Variants in NDST3 observed in about 807,000 individuals in gnomAD.
The protein encoded by NDST3 is bifunctional heparan sulfate N-deacetylase/N-sulfotransferase 3.
Under a neutral mutation model 96.1 loss-of-function variants are expected in NDST3, and 58 were observed. That is an observed-to-expected ratio of 0.60 (90% confidence interval 0.49 to 0.75). The LOEUF (loss-of-function observed/expected upper bound fraction) is 0.75. Ranked by LOEUF, NDST3 falls within the 30% of genes least tolerant of loss-of-function variation. The pLI, the probability that NDST3 is intolerant of heterozygous loss-of-function variation, is 0.00. For missense variants in NDST3, 788 were observed against 1,034.2 expected (o/e 0.76, Z 3.27); for synonymous variants, 333 against 359.7 (o/e 0.93, Z 0.84).
chr4:118,149,810 A>G (rs370030849), intron 6 of NDST3, among the ~76,000 whole-genome samples: 5 of 151,794 alleles, frequency 3.3e-5, no homozygotes, highest in East Asian at 1.9e-4. Flanking sequence ...GGAGTGGTGA[A>G]AGAGGGCATC....
chr4:118,129,192 T>C (rs1411367516), intron 4 of NDST3, among the ~76,000 whole-genome samples: 1 of 152,012 alleles, frequency 6.6e-6, no homozygotes, highest in Non-Finnish European at 1.5e-5. Flanking sequence ...CGTTTACTTC[T>C]GCTTTGATCT....
chr4:118,207,985 A>T (rs1738539647), intron 6 of NDST3, among the ~76,000 whole-genome samples: 1 of 144,252 alleles, frequency 6.9e-6, no homozygotes, highest in Admixed American at 6.9e-5. Flanking sequence ...CATTTTTAGA[A>T]AGGAAACATT....
At chr4:118,033,805 C>T (rs1236977675), upstream of NDST3, 8 of 152,592 alleles carry the variant, frequency 5.2e-5, no homozygotes, top group Admixed American at 3.9e-4. Context: ...CCGCCGGACC[C>T]CGGGCACCGC....
rs533139254 is a variant in NDST3, at chr4:118,253,578, A to C, written c.2479A>C (p.Lys827Gln). Reference sequence around the variant, plus strand: ...ATGCCTTGGAAAGAGCAAAGGAAGAAAATACCCTCCAATGGATTCTGATGT... The same window carrying C: ...ATGCCTTGGAAAGAGCAAAGGAAGACAATACCCTCCAATGGATTCTGATGT... ...TKCLGKSKGRKYPPMDSDSRT... is the reference protein window; with the variant it reads ...TKCLGKSKGRQYPPMDSDSRT... The change falls in exon 13 of 14, where the codon AAA (lysine) becomes CAA (glutamine). Residue 827 changes from lysine (K) to glutamine (Q), a missense_variant. Physicochemically the swap from Lys to Gln is moderately conservative, Grantham distance 53. Coordinates refer to ENST00000296499, the MANE Select transcript of NDST3 (RefSeq NM_004784.3). 1 of 1,611,516 alleles carries C rather than the reference A, an allele frequency of 6.2e-7. No individual in the cohort carries two copies. The highest frequency in any genetic ancestry group is 1.3e-5 in the African/African-American group (1 of 75,004).
At chr4:118,219,813 A>G (rs1430238245) in intron 6 of NDST3, among the ~76,000 whole-genome samples, 2 of 152,094 alleles carry the variant, frequency 1.3e-5, no homozygotes, top group African/African-American at 4.8e-5. Flanking sequence ...ACAAATCTAC[A>G]AGGAAAAAAC....
At chr4:118,158,484 A>G (rs4833564) in intron 6 of NDST3, among the ~76,000 whole-genome samples, 78,060 of 152,056 alleles carry the variant, frequency 0.51, 24,099 homozygotes, top group East Asian at 0.74. Flanking sequence ...CTTCTGTAGA[A>G]AAGACACCAG....
At chr4:118,241,178 T>C (rs768281090) in intron 11 of NDST3, among the ~76,000 whole-genome samples, 2 of 151,772 alleles carry the variant, frequency 1.3e-5, no homozygotes, top group African/African-American at 4.8e-5. Context: ...ACATCAGACA[T>C]GGTATATACC....
chr4:118,128,799 G>A (rs753285756), intron 4 of NDST3, among the ~76,000 whole-genome samples: 3 of 152,020 alleles, frequency 2.0e-5, no homozygotes, highest in African/African-American at 4.8e-5. Context: ...GAAATCAGCA[G>A]TGTAGCCATC....
intron 6 of NDST3, among the ~76,000 whole-genome samples, chr4:118,178,871 A>G (rs1311147078): frequency 6.6e-6 from 1 of 152,052 alleles, no homozygotes; most frequent in Non-Finnish European, 1.5e-5. Context: ...GATACTAGCT[A>G]TCCTAATAAG....
chr4:118,226,779 T>A (rs1484994994), intron 7 of NDST3, 107 bp from the exon 8 acceptor site: 2 of 749,370 alleles, frequency 2.7e-6, no homozygotes, highest in Non-Finnish European at 4.4e-6. Context: ...CTATTTTTTA[T>A]CCCAGCGTTT....
At chr4:118,116,610 C>A (rs894520694) in intron 4 of NDST3, among the ~76,000 whole-genome samples, 2 of 152,282 alleles carry the variant, frequency 1.3e-5, no homozygotes, top group African/African-American at 4.8e-5. Flanking sequence ...GTAATCCCAG[C>A]ACTTTGGGAG....
chr4:118,150,949 G>A (rs1332562162), intron 6 of NDST3, among the ~76,000 whole-genome samples: 1 of 151,160 alleles, frequency 6.6e-6, no homozygotes, highest in Non-Finnish European at 1.5e-5. Context: ...TATGTTTATT[G>A]CAGCATTATT....
intron 4 of NDST3, 118 bp from the exon 5 acceptor site, chr4:118,137,936 A>G (rs113285129): frequency 0.028 from 23,886 of 862,710 alleles, 583 homozygotes; most frequent in African/African-American, 0.11. Flanking sequence ...ATTTTACCAC[A>G]CAATTAAGTA....
chr4:118,244,691 A>C (rs1269940639), intron 12 of NDST3, among the ~76,000 whole-genome samples: 1 of 152,000 alleles, frequency 6.6e-6, no homozygotes, highest in Non-Finnish European at 1.5e-5. Context: ...ATTATCTTCC[A>C]TATAGCAAAT....
At chr4:118,127,888 T>C (rs1732248921) in intron 4 of NDST3, among the ~76,000 whole-genome samples, 1 of 152,078 alleles carries the variant, frequency 6.6e-6, no homozygotes, top group South Asian at 2.1e-4. Flanking sequence ...TTTATAGTTT[T>C]CATTGTAGAG....
chr4:118,200,322 G>A (rs961078226), intron 6 of NDST3, among the ~76,000 whole-genome samples: 4 of 152,146 alleles, frequency 2.6e-5, no homozygotes, highest in Admixed American at 6.5e-5. Context: ...CTCACCTCAT[G>A]GCCACGGCCA....
intron 1 of NDST3, among the ~76,000 whole-genome samples, chr4:118,040,389 T>C (rs1300837043): frequency 6.6e-6 from 1 of 151,512 alleles, no homozygotes. Context: ...GGGGGAGGGG[T>C]GAAAAGAAGC....
chr4:118,040,723 C>T (rs1488725177), intron 1 of NDST3, among the ~76,000 whole-genome samples: 1 of 151,570 alleles, frequency 6.6e-6, no homozygotes, highest in East Asian at 1.9e-4. Flanking sequence ...TACTCTGTCG[C>T]CCAGGCTGGA....
intron 8 of NDST3, among the ~76,000 whole-genome samples, chr4:118,230,448 G>A (rs549494937): frequency 1.3e-5 from 2 of 152,144 alleles, no homozygotes; most frequent in African/African-American, 2.4e-5. Context: ...GGTGGCGGGC[G>A]CCTGTAGTCC....
Sources: allele counts gnomAD v4.1 joint callset (sites outside exome capture counted in the v4.1 genomes callset), GRCh38; gene constraint gnomAD v4.1.1; transcripts MANE v1.5; gene names NCBI Gene and HGNC (gene_info 2026-07-23, HGNC 2026-07-21).